The following CHERP variants were observed in gnomAD, a reference collection of about 807,000 sequenced individuals.
CHERP encodes ERPROT 213-21.
CHERP carries 8 observed loss-of-function variants against 113.8 expected under a neutral mutation model. The observed-to-expected ratio is 0.07, with a 90% CI of 0.04 to 0.13. The LOEUF is 0.13. Among genes scored for constraint, CHERP ranks in the 10% least tolerant of loss-of-function variants. CHERP has a pLI of 1.00. For synonymous variants in CHERP, 559 were observed against 524.5 expected (o/e 1.07, Z -0.90); for missense variants, 884 against 1,298.2 (o/e 0.68, Z 4.90).
chr19:16,533,200 C>G (rs1233951976), intron 3 of CHERP, 52 bp from the exon 4 acceptor site: 3 of 1,540,016 alleles, frequency 1.9e-6, no homozygotes, highest in Non-Finnish European at 2.6e-6. Flanking sequence ...GACCCGCAGC[C>G]TGAGCCCTCC....
Position 16,530,750 on chromosome 19 carries a change from C to G in CHERP, c.786+19G>C, listed in dbSNP as rs77142035. 3 of 1,613,756 alleles carry G rather than the reference C, an allele frequency of 1.9e-6. No individual in the cohort carries two copies. Among genetic ancestry groups the G allele is most frequent in the Non-Finnish European group, 2.5e-6 (3 of 1,179,924 alleles). ...GTGTGTCCCGGTCTTGCCCAACCCC[C>G]GGCCCGGGGCCCACGCACCCGGGCG... is the stretch of plus-strand genomic sequence containing the variant. On this transcript the variant is annotated intron_variant, in intron 6 of 16. Transcript: ENST00000546361. The surrounding 1 kb of genome is among the most constrained non-coding windows in gnomAD (Gnocchi z 4.1).
rs796369715 is a variant in CHERP, at chr19:16,529,929, A to C, written c.877-29T>G. 7 of 1,602,062 alleles carry C rather than the reference A, an allele frequency of 4.4e-6. No homozygotes were observed. In the African/African-American group the frequency reaches 9.3e-5, roughly 21 times the overall value. Reference sequence around the variant, plus strand: ...AGAGAGAGAAGAGCACCCGCTGCTCAGTATGCGGCCTTGGGGCTCGCTGCC... The same window carrying C: ...AGAGAGAGAAGAGCACCCGCTGCTCCGTATGCGGCCTTGGGGCTCGCTGCC... On this transcript the variant is annotated intron_variant, in intron 7 of 16. Transcript: ENST00000546361.
chr19:16,530,838 C>T lies in CHERP; in HGVS notation c.717G>A (p.Lys239=), dbSNP rs775032081. ...QARELLAALQ[K]VVVPIYCTSF... is the part of the protein sequence containing the mutation. ...TGGTGCAGTAGATGGGCACCACGACCTTCTGCAGGGCGGCCAGCAGCTCCC... is the reference window on the plus strand; with the variant it reads ...TGGTGCAGTAGATGGGCACCACGACTTTCTGCAGGGCGGCCAGCAGCTCCC... Residue 239 remains lysine (K), a synonymous_variant, in exon 6 of 17, where the codon AAG becomes AAA. Transcript: ENST00000546361. This position sits in a 1 kb window ranked among gnomAD's most constrained non-coding sequence, Gnocchi z 4.1. The T allele has an allele frequency of 1.2e-6, 2 of 1,613,858 alleles. No individual in the cohort carries two copies. The highest frequency in any genetic ancestry group is 8.5e-7 in the Non-Finnish European group (1 of 1,179,982).
Position 16,535,381 on chromosome 19 carries a change from G to A in CHERP, c.384+71C>T, listed in dbSNP as rs2085734142. 2 of 1,511,006 alleles carry A rather than the reference G, an allele frequency of 1.3e-6. No homozygotes were observed. Among genetic ancestry groups the A allele is most frequent in the African/African-American group, 1.4e-5 (1 of 72,714 alleles). The allele number at this position is 1,511,006 out of a possible 1,614,324, so 93.6% of individuals were successfully genotyped here. The stretch of plus-strand genomic sequence containing the variant: ...CTCACTGACACCTGTTATTCATTCT[G>A]ATGAGCAGACGCAAAAACAGAGGCA... On this transcript the variant is annotated intron_variant, in intron 3 of 16. Coordinates refer to ENST00000546361, the MANE Select transcript of CHERP (RefSeq NM_006387.6). The surrounding 1 kb of genome is among the most constrained non-coding windows in gnomAD (Gnocchi z 4.3).
rs371035581 is a variant in CHERP, at chr19:16,542,054, G to A, written c.26-11C>T. On this transcript the variant is annotated splice_polypyrimidine_tract_variant and intron_variant, in intron 1 of 16. Coordinates refer to ENST00000546361, the MANE Select transcript of CHERP (RefSeq NM_006387.6). Reference sequence around the variant, plus strand: ...TTCGAAGCTCCTGGTCTGGAGGACGGAGAAAAGGCCACGCGGGGCGTCAGC... The same window carrying A: ...TTCGAAGCTCCTGGTCTGGAGGACGAAGAAAAGGCCACGCGGGGCGTCAGC... The A allele has an allele frequency of 1.2e-5, 20 of 1,604,882 alleles. 1 individual carries two copies. Among genetic ancestry groups the A allele is most frequent in the Middle Eastern group, 3.7e-4 (2 of 5,350 alleles).
chr19:16,541,921 C>T lies in CHERP; in HGVS notation c.148G>A (p.Gly50Ser), dbSNP rs1461857315. Residue 50 changes from glycine to serine, a missense_variant, in exon 2 of 17, where the codon GGC (glycine) becomes AGC (serine). By Grantham distance (56) the Gly-to-Ser change is moderately conservative. Around this residue, in one of 8 missense-constraint regions of CHERP, gnomAD observed 17 missense variants for 50.8 expected, o/e 0.33. Transcript: ENST00000546361. ...DNPKFSFLFG[G>S]EFYSYYKCKL... is the part of the protein sequence containing the mutation. ...CACTTGTAGTAACTGTAGAATTCGC[C>T]TCCGAAAAGAAACGAGAATTTGGGG... The T allele has an allele frequency of 1.2e-6, 2 of 1,613,916 alleles. No individual in the cohort carries two copies. Among genetic ancestry groups the T allele is most frequent in the African/African-American group, 1.3e-5 (1 of 74,914 alleles).
At position 16,530,891 on chromosome 19, in the gene CHERP, G is replaced by A. The variant is rs1362189914; in HGVS notation, c.675-11C>T. 6.2e-7 allele frequency: 1 copy of A among 1,611,974 alleles called. No homozygotes were observed. The highest frequency in any genetic ancestry group is 8.5e-7 in the Non-Finnish European group (1 of 1,179,592). The stretch of plus-strand genomic sequence containing the variant: ...GCCTGCTTGCGCTGGCTGTGAGGGA[G>A]AGACTTTCCGCGCGTCAGGGCCCTG... On this transcript the variant is annotated splice_polypyrimidine_tract_variant and intron_variant, in intron 5 of 16. Transcript: ENST00000546361. The surrounding 1 kb of genome is among the most constrained non-coding windows in gnomAD (Gnocchi z 4.1).
rs1467427796 is a variant in CHERP at position 16,532,573 on chromosome 19, C to G, written c.674+25G>C. 3.2e-6 allele frequency: 5 copies of G among 1,572,460 alleles called. No homozygotes were observed. The highest frequency in any genetic ancestry group is 1.7e-5 in the Admixed American group (1 of 57,922). On this transcript the variant is annotated intron_variant, in intron 5 of 16. Coordinates refer to ENST00000546361, the MANE Select transcript of CHERP (RefSeq NM_006387.6). The surrounding 1 kb of genome is among the most constrained non-coding windows in gnomAD (Gnocchi z 4.4). ...AGGAGGAGCGCGAGGAAGTGGCGCT[C>G]TGGGCACGGGGTGGCGGCGCTCACC...
Position 16,518,999 on chromosome 19 carries a change from C to G in CHERP, c.*160G>C. The G allele has an allele frequency of 1.4e-6, 1 of 702,666 alleles. No individual in the cohort carries two copies. The highest frequency in any genetic ancestry group is 2.3e-6 in the Non-Finnish European group (1 of 432,150). 43.5% of individuals were successfully genotyped at this position (702,666 alleles called of 1,614,324 possible). A position where few individuals can be genotyped will look rare whatever the true frequency, so the allele number is the denominator to read the frequency against. On this transcript the variant is annotated 3_prime_UTR_variant, in exon 17 of 17. Transcript: ENST00000546361. ...CCTCCACGCCATGGAGCACGGCGTT[C>G]CCACTGGGCATGCGCTGGTCTTCCT...
chr19:16,533,379 A>G (rs2085720119), intron 3 of CHERP, among the ~76,000 whole-genome samples: 1 of 152,208 alleles, frequency 6.6e-6, no homozygotes. Context: ...CTGACAGGAC[A>G]TACCAGGAGA....
At chr19:16,531,600 C>T (rs2085705317) in intron 5 of CHERP, among the ~76,000 whole-genome samples, 2 of 152,224 alleles carry the variant, frequency 1.3e-5, no homozygotes, top group Non-Finnish European at 2.9e-5. Flanking sequence ...GCTGGGCGAG[C>T]AGCACTTGGC....
In CHERP at chr19:16,537,379, C is replaced by T. The variant is rs2085748606; in HGVS notation, c.200-1743G>A. 2.0e-5 allele frequency among the ~76,000 whole-genome samples: 3 copies of T among 152,144 alleles called. No individual in the cohort carries two copies. The South Asian group carries it at 6.2e-4, about 32-fold the overall frequency. On this transcript the variant is annotated intron_variant, in intron 2 of 16. Coordinates refer to ENST00000546361, the MANE Select transcript of CHERP (RefSeq NM_006387.6). ...CCCTGTCCTCCGCTCTACGCAACCG[C>T]CGGGCAACATGAGCTACTCATTCCT...
At position 16,523,572 on chromosome 19, in the gene CHERP, C is replaced by T. The variant is rs574442242; in HGVS notation, c.1742-282G>A. Among the ~76,000 whole-genome samples, 16 of 152,280 alleles carry T rather than the reference C, an allele frequency of 1.1e-4. No homozygotes were observed. The South Asian group carries it at 2.7e-3, about 26-fold the overall frequency. ...CGGTGAGGGCTAAGTTGTGACCCTC[C>T]GAATCCATACGCTGAGGTCCCAGCC... On this transcript the variant is annotated intron_variant, in intron 10 of 16. Coordinates refer to ENST00000546361, the MANE Select transcript of CHERP (RefSeq NM_006387.6). The surrounding 1 kb of genome is among the most constrained non-coding windows in gnomAD (Gnocchi z 4.0).
intron 2 of CHERP, chr19:16,539,702 C>T (rs1269287824): frequency 6.6e-6 from 1 of 152,146 alleles, no homozygotes; most frequent in Admixed American, 6.5e-5. Flanking sequence ...AGATTCTCTA[C>T]TATGTCACCC....
intron 11 of CHERP, among the ~76,000 whole-genome samples, chr19:16,522,600 G>C (rs527340876): frequency 6.6e-6 from 1 of 152,068 alleles, no homozygotes; most frequent in South Asian, 2.1e-4. Context: ...CCTATGCTCC[G>C]GCCATCCCAC....
At chr19:16,540,768 G>T (rs1338788475) in intron 2 of CHERP, among the ~76,000 whole-genome samples, 8 of 150,312 alleles carry the variant, frequency 5.3e-5, no homozygotes, top group African/African-American at 2.0e-4. Context: ...CGTGGTCTTG[G>T]CTTACCGCAA....
At chr19:16,529,433 ATCT>A (rs1385916870) in intron 8 of CHERP, among the ~76,000 whole-genome samples, 12 of 152,280 alleles carry the variant, frequency 7.9e-5, no homozygotes, top group African/African-American at 2.9e-4. Context: ...CAGGAAACAG[ATCT>A]TCTGCTGTTC....
intron 3 of CHERP, among the ~76,000 whole-genome samples, chr19:16,534,052 C>CTTTTTTTTTTTT (rs200659711): frequency 7.5e-6 from 1 of 133,824 alleles, no homozygotes; most frequent in Non-Finnish European, 1.6e-5. Context: ...ACTTTCTTTT[C>CTTTTTTTTTTTT]TTTTCTTTTT....
In CHERP at chr19:16,530,338, G is replaced by A. The variant is rs909397186; in HGVS notation, c.876+247C>T. ...CATGCCTGACCACCAGAGCAAATGG[G>A]CCATGTGCAATGACTCCGAAAGGCC... is the stretch of plus-strand genomic sequence containing the variant. On this transcript the variant is annotated intron_variant, in intron 7 of 16. Coordinates refer to ENST00000546361, the MANE Select transcript of CHERP (RefSeq NM_006387.6). The surrounding 1 kb of genome is among the most constrained non-coding windows in gnomAD (Gnocchi z 4.1). 2.0e-5 allele frequency among the ~76,000 whole-genome samples: 3 copies of A among 152,194 alleles called. No homozygotes were observed. Among genetic ancestry groups the A allele is most frequent in the African/African-American group, 7.2e-5 (3 of 41,462 alleles).
Sources: allele counts gnomAD v4.1 joint callset (sites outside exome capture counted in the v4.1 genomes callset), GRCh38; gene constraint gnomAD v4.1.1; regional missense constraint gnomAD v4.1.1; non-coding constraint Gnocchi (gnomAD v3.1); transcripts MANE v1.5; gene names NCBI Gene and HGNC (gene_info 2026-07-23, HGNC 2026-07-21).